PRIM1: variants seen among roughly 807,000 people sequenced by gnomAD.
PRIM1 encodes DNA primase small subunit.
In PRIM1, 38 loss-of-function variants were observed where a neutral mutation model predicts 60.2. That is an observed-to-expected ratio of 0.63 (90% CI 0.49 to 0.83). The LOEUF (loss-of-function observed/expected upper bound fraction) is 0.83. Ranked by LOEUF, PRIM1 falls within the 40% of genes least tolerant of loss-of-function variation. PRIM1 has a pLI of 0.00. For synonymous variants in PRIM1, 158 were observed against 160.2 expected (o/e 0.99, Z 0.10); for missense variants, 388 against 506.2 (o/e 0.77, Z 2.24).
chr12:56,738,411 G>C lies in PRIM1; in HGVS notation c.1144+23C>G, dbSNP rs553422903. 3.5e-5 allele frequency: 55 copies of C among 1,557,614 alleles called. No homozygotes were observed. In the East Asian group the frequency reaches 1.1e-3, roughly 30 times the overall value. On this transcript the variant is annotated intron_variant, in intron 11 of 12. Transcript: ENST00000338193. ...TATATAAAAACCCTGTATTTAAAGT[G>C]AAGCTTCAAAATATTACCTTACCTC...
intron 11 of PRIM1, among the ~76,000 whole-genome samples, chr12:56,736,139 A>T (rs972979703): frequency 9.3e-5 from 14 of 150,878 alleles, no homozygotes; most frequent in African/African-American, 2.7e-4. Flanking sequence ...CTCTAGTAAA[A>T]ATACAAAAAT....
At chr12:56,746,317 G>T in intron 4 of PRIM1, 136 bp from the exon 5 acceptor site, 1 of 1,115,248 alleles carries the variant, frequency 9.0e-7, no homozygotes, top group Non-Finnish European at 1.3e-6. Flanking sequence ...TCTCTGCTGG[G>T]AATTTCTTTC....
At chr12:56,752,060 C>G (rs1162141563) in intron 1 of PRIM1, 136 bp downstream of exon 1, 1 of 411,940 alleles carries the variant, frequency 2.4e-6, no homozygotes, top group Non-Finnish European at 4.4e-6. Context: ...AGTGGTGGGG[C>G]GGGCTCGAGA....
chr12:56,746,817 T>C lies in PRIM1; in HGVS notation c.406A>G (p.Thr136Ala). The change falls in exon 4 of 13, where the codon ACA (threonine) becomes GCA (alanine). Residue 136 changes from threonine (T) to alanine (A), a missense_variant. This residue lies in a region of PRIM1 where 156 missense variants were observed against 175.8 expected (regional missense o/e 0.89). Transcript: ENST00000338193. ...CTGTCAATGATGCGTATGGCCATTG[T>C]CATGAGGGTCCAGCACTTAGGACAT... ...DICPKCWTLM[T>A]MAIRIIDRAL... 12 of 1,613,966 alleles carry C rather than the reference T, an allele frequency of 7.4e-6. No individual in the cohort carries two copies. The highest frequency in any genetic ancestry group is 1.0e-5 in the Non-Finnish European group (12 of 1,179,874).
intron 9 of PRIM1, among the ~76,000 whole-genome samples, chr12:56,739,652 G>C (rs1953857891): frequency 6.6e-6 from 1 of 152,100 alleles, no homozygotes. Context: ...TCCCACCTCA[G>C]TTGTCTCCCA....
chr12:56,746,917 A>G lies in PRIM1; in HGVS notation c.368+9T>C, dbSNP rs767803797. 4.3e-6 allele frequency: 7 copies of G among 1,613,076 alleles called. No homozygotes were observed. The highest frequency in any genetic ancestry group is 5.9e-6 in the Non-Finnish European group (7 of 1,179,152). On this transcript the variant is annotated intron_variant, in intron 3 of 12. Coordinates refer to ENST00000338193, the MANE Select transcript of PRIM1 (RefSeq NM_000946.3). ...CACCCACCCTAACAGCAAGACACAC[A>G]GTGCTCACCTACAACATCTCCTCAC... is the stretch of plus-strand genomic sequence containing the variant.
intron 11 of PRIM1, among the ~76,000 whole-genome samples, chr12:56,734,572 T>A (rs1405007252): frequency 1.3e-5 from 2 of 151,418 alleles, no homozygotes; most frequent in Non-Finnish European, 2.9e-5. Flanking sequence ...ACCAATTTTT[T>A]TTTTTTTTTT....
Position 56,746,072 on chromosome 12 carries a change from C to T in PRIM1, c.552G>A (p.Gly184=). 1 of 1,611,940 alleles carries T rather than the reference C, an allele frequency of 6.2e-7. No homozygotes were observed. The highest frequency in any genetic ancestry group is 8.5e-7 in the Non-Finnish European group (1 of 1,179,302). The change falls in exon 5 of 13, where the codon GGG becomes GGA. Residue 184 remains glycine (G), a synonymous_variant. Transcript: ENST00000338193. ...TTACAAGGCTCAAATACTCAACTATCCCAGAACGTACTGCAGAAGACAGTT... is the reference window on the plus strand; with the variant it reads ...TTACAAGGCTCAAATACTCAACTATTCCAGAACGTACTGCAGAAGACAGTT... The part of the protein sequence containing the change: ...VRKLSSAVRS[G]IVEYLSLVKG...
chr12:56,731,728 T>C lies in PRIM1; in HGVS notation c.1250A>G (p.Gln417Arg). Residue 417 changes from glutamine to arginine, a missense_variant, in exon 13 of 13, where the codon CAA (glutamine) becomes CGA (arginine). By Grantham distance (43) the Gln-to-Arg change is conservative (BLOSUM62 1). Coordinates refer to ENST00000338193, the MANE Select transcript of PRIM1 (RefSeq NM_000946.3). The part of the protein sequence containing the change: ...KGELLKKSDL[Q>R]KDF ...GGAGCTCTGTCTTCAGAAATCTTTTTGTAAATCTAAAATAGAATAGATAAT... is the reference window on the plus strand; with the variant it reads ...GGAGCTCTGTCTTCAGAAATCTTTTCGTAAATCTAAAATAGAATAGATAAT... The C allele has an allele frequency of 6.6e-7, 1 of 1,514,876 alleles. No homozygotes were observed. Among genetic ancestry groups the C allele is most frequent in the South Asian group, 1.2e-5 (1 of 81,018 alleles). The allele number at this position is 1,514,876 out of a possible 1,614,324, so 93.8% of individuals were successfully genotyped here.
intron 11 of PRIM1, among the ~76,000 whole-genome samples, chr12:56,736,166 C>T (rs1009073172): frequency 4.0e-5 from 6 of 150,232 alleles, no homozygotes; most frequent in Non-Finnish European, 7.4e-5. Context: ...GACGTCGTGG[C>T]GGGCACCTGT....
intron 4 of PRIM1, chr12:56,746,466 A>G (rs1953907808): frequency 1.7e-6 from 1 of 572,730 alleles, no homozygotes; most frequent in South Asian, 1.7e-5. Flanking sequence ...CGCTGCCTCT[A>G]CTAAAAATAC....
At chr12:56,735,243 T>C (rs1592331358) in intron 11 of PRIM1, among the ~76,000 whole-genome samples, 1 of 151,210 alleles carries the variant, frequency 6.6e-6, no homozygotes, top group African/African-American at 2.4e-5. Flanking sequence ...GGACTATAGG[T>C]GTGTGCCACC....
chr12:56,738,548 A>ATTTTGT (rs754680975), intron 10 of PRIM1, 23 bp from the exon 11 acceptor site: 64 of 1,556,936 alleles, frequency 4.1e-5, no homozygotes, highest in Non-Finnish European at 5.1e-5. Flanking sequence ...GAACAAGAGA[A>ATTTTGT]TTTTGTTTTT....
chr12:56,741,706 GCATT>G (rs777716549), intron 8 of PRIM1, 36 bp downstream of exon 8: 3 of 1,589,986 alleles, frequency 1.9e-6, no homozygotes, highest in South Asian at 1.1e-5. Context: ...ATTAAGAATT[GCATT>G]ATTATATCTG....
rs766650501 is a variant in PRIM1 at position 56,741,771 on chromosome 12, A to C, written c.815T>G (p.Leu272Trp). ...SHNSLQRWEH[L>W]KKVASRYQNN... ...CTGATATCTGCTGGCTACTTTCTTCAAGTGCTCCCAACGCTGAAGTGAATT... is the reference window on the plus strand; with the variant it reads ...CTGATATCTGCTGGCTACTTTCTTCCAGTGCTCCCAACGCTGAAGTGAATT... The change falls in exon 8 of 13, where the codon TTG becomes TGG. Residue 272 changes from leucine to tryptophan, a missense_variant. Around this residue, in one of 3 missense-constraint regions of PRIM1, gnomAD observed 211 missense variants for 277.9 expected, o/e 0.76. Coordinates refer to ENST00000338193, the MANE Select transcript of PRIM1 (RefSeq NM_000946.3). The C allele has an allele frequency of 1.2e-6, 2 of 1,613,928 alleles. No individual in the cohort carries two copies. The highest frequency in any genetic ancestry group is 1.7e-6 in the Non-Finnish European group (2 of 1,179,862).
At chr12:56,741,680 C>G (rs1953873243) in intron 8 of PRIM1, 66 bp downstream of exon 8, 1 of 1,583,202 alleles carries the variant, frequency 6.3e-7, no homozygotes, top group Non-Finnish European at 8.6e-7. Flanking sequence ...ACTGACTAGG[C>G]AAAGCAATCA....
intron 7 of PRIM1, 31 bp downstream of exon 7, chr12:56,742,956 C>T (rs1278394606): frequency 2.1e-6 from 3 of 1,449,940 alleles, no homozygotes; most frequent in African/African-American, 1.5e-5. Flanking sequence ...AAACAACTAG[C>T]TCACACAGAA....
chr12:56,738,243 T>A (rs1327400449), intron 11 of PRIM1, among the ~76,000 whole-genome samples, 191 bp downstream of exon 11: 1 of 152,210 alleles, frequency 6.6e-6, no homozygotes, highest in African/African-American at 2.4e-5. Flanking sequence ...TTAGGAAATA[T>A]GTGTTGAATC....
intron 11 of PRIM1, among the ~76,000 whole-genome samples, chr12:56,737,850 G>A (rs7135429): frequency 1.3e-3 from 193 of 152,136 alleles, no homozygotes; most frequent in African/African-American, 4.0e-3. Flanking sequence ...TCAGCTTCCC[G>A]AGTAGCTGGG....
Sources: allele counts gnomAD v4.1 joint callset (sites outside exome capture counted in the v4.1 genomes callset), GRCh38; gene constraint gnomAD v4.1.1; regional missense constraint gnomAD v4.1.1; transcripts MANE v1.5; gene names NCBI Gene and HGNC (gene_info 2026-07-23, HGNC 2026-07-21).